KIF26B: variants seen among roughly 807,000 people sequenced by gnomAD.
KIF26B encodes the protein kinesin-like protein KIF26B.
In KIF26B, 63 loss-of-function variants were observed where a neutral mutation model predicts 151.2. That is an observed-to-expected ratio of 0.42 (90% CI 0.34 to 0.51). KIF26B has a LOEUF of 0.51. KIF26B is among the 20% of genes least tolerant of loss of function. The probability of loss-of-function intolerance (pLI) is 0.07; values close to 1 mark genes in which losing one functional copy is unlikely to be tolerated. For missense variants in KIF26B, 2,813 were observed against 2,913.6 expected, an observed-to-expected ratio of 0.97 and a Z score of 0.79; for synonymous variants, 1,357 against 1,262.1, an observed-to-expected ratio of 1.08 and a Z score of -1.59.
At chr1:245,479,012 G>T (rs975381009) in intron 4 of KIF26B, among the ~76,000 whole-genome samples, 1 of 151,838 alleles carries the variant, frequency 6.6e-6, no homozygotes, top group Non-Finnish European at 1.5e-5. Flanking sequence ...ATGGGGAGGG[G>T]TCCTGAGGGA....
chr1:245,690,539 A>C (rs1181903865), intron 12 of KIF26B, among the ~76,000 whole-genome samples: 1 of 152,236 alleles, frequency 6.6e-6, no homozygotes, highest in Non-Finnish European at 1.5e-5. Context: ...TGGTCAGTGA[A>C]CATTATAAAC....
chr1:245,654,318 AG>A (rs148057078), intron 10 of KIF26B, among the ~76,000 whole-genome samples: 7 of 151,930 alleles, frequency 4.6e-5, no homozygotes, highest in Non-Finnish European at 1.0e-4. Context: ...AGGGGTGGGG[AG>A]GGGGCAAAAA....
intron 5 of KIF26B, among the ~76,000 whole-genome samples, chr1:245,555,851 G>A (rs1417254362): frequency 6.6e-6 from 1 of 152,144 alleles, no homozygotes; most frequent in Non-Finnish European, 1.5e-5. Flanking sequence ...ACTTGGGGGG[G>A]TTCATTTTGT....
rs554153547 is a variant in KIF26B at position 245,429,387 on chromosome 1, T to C, written c.1166+9642T>C. Among the ~76,000 whole-genome samples, 4 of 152,318 alleles carry C rather than the reference T, an allele frequency of 2.6e-5. No homozygotes were observed. The South Asian group carries it at 6.2e-4, about 24-fold the overall frequency. On this transcript the variant is annotated intron_variant, in intron 4 of 14. Coordinates refer to ENST00000407071, the MANE Select transcript of KIF26B (RefSeq NM_018012.4). The stretch of plus-strand genomic sequence containing the variant: ...CTGTCCAGGCCTTCTGTGGCAATTA[T>C]AAAGATCTGGTATCATGTCTCTGAG...
At chr1:245,533,269 A>G (rs1445674076) in intron 4 of KIF26B, among the ~76,000 whole-genome samples, 4 of 152,182 alleles carry the variant, frequency 2.6e-5, no homozygotes, top group African/African-American at 9.7e-5. Context: ...ACATGCTGAC[A>G]GGGGAGACTG....
intron 4 of KIF26B, among the ~76,000 whole-genome samples, chr1:245,521,531 G>C (rs1661110407): frequency 6.6e-6 from 1 of 152,096 alleles, no homozygotes; most frequent in Admixed American, 6.5e-5. Flanking sequence ...CGCAATCCTT[G>C]AGTATAAGTC....
chr1:245,481,912 C>T (rs1471271717), intron 4 of KIF26B, among the ~76,000 whole-genome samples: 1 of 151,552 alleles, frequency 6.6e-6, no homozygotes, highest in Non-Finnish European at 1.5e-5. Flanking sequence ...AGCACAGCAG[C>T]GTCTAACCGA....
intron 4 of KIF26B, among the ~76,000 whole-genome samples, chr1:245,491,673 C>T (rs779475927): frequency 2.0e-5 from 3 of 152,156 alleles, no homozygotes; most frequent in Non-Finnish European, 4.4e-5. Context: ...TTCGGGAGGC[C>T]GAGGTGGGTG....
chr1:245,394,847 C>T (rs4658763), intron 3 of KIF26B, among the ~76,000 whole-genome samples: 35,639 of 151,618 alleles, frequency 0.24, 6,506 homozygotes, highest in African/African-American at 0.51. Context: ...CTCGCCACCA[C>T]GCCTGGCTAA....
rs954052934 is a variant in KIF26B at position 245,503,148 on chromosome 1, C to T, written c.1167-37619C>T. On this transcript the variant is annotated intron_variant, in intron 4 of 14. Transcript: ENST00000407071. ...GTGCTGGGATTACAGCGTGAGCCACCGCACCCGGCCATGGTGAACTCTTTT... is the reference window on the plus strand; with the variant it reads ...GTGCTGGGATTACAGCGTGAGCCACTGCACCCGGCCATGGTGAACTCTTTT... Among the ~76,000 whole-genome samples, 9 of 152,054 alleles carry T rather than the reference C, an allele frequency of 5.9e-5. 1 individual carries two copies. In the South Asian group the frequency reaches 6.2e-4, roughly 11 times the overall value.
At chr1:245,552,122 G>GATGTGTGTGT (rs1553287299) in intron 5 of KIF26B, among the ~76,000 whole-genome samples, 2,847 of 131,680 alleles carry the variant, frequency 0.022, 157 homozygotes, top group East Asian at 0.031. Flanking sequence ...GAACCAGCAG[G>GATGTGTGTGT]GTGTGTGTGT....
intron 5 of KIF26B, among the ~76,000 whole-genome samples, chr1:245,548,442 C>T (rs1160067127): frequency 6.6e-6 from 1 of 152,192 alleles, no homozygotes; most frequent in East Asian, 1.9e-4. Flanking sequence ...CCTGCTCTTC[C>T]CAGGGTGCGA....
chr1:245,426,672 G>A (rs193172025), intron 4 of KIF26B, among the ~76,000 whole-genome samples: 9 of 152,302 alleles, frequency 5.9e-5, no homozygotes, highest in Non-Finnish European at 1.0e-4. Context: ...ACCAAGCCCC[G>A]CTCAGGCCCT....
intron 2 of KIF26B, among the ~76,000 whole-genome samples, chr1:245,223,737 A>G (rs1669819837): frequency 6.6e-6 from 1 of 152,214 alleles, no homozygotes; most frequent in African/African-American, 2.4e-5. Flanking sequence ...AGGGGGTCCC[A>G]TATGTCACAG....
intron 3 of KIF26B, among the ~76,000 whole-genome samples, chr1:245,382,562 CTTGTT>C (rs1335478189): frequency 6.2e-5 from 7 of 113,792 alleles, no homozygotes; most frequent in East Asian, 4.2e-4. Flanking sequence ...TGTTTTGTTT[CTTGTT>C]TTGTTTTGTT....
chr1:245,643,566 C>A (rs1329031232), intron 9 of KIF26B, among the ~76,000 whole-genome samples: 1 of 152,104 alleles, frequency 6.6e-6, no homozygotes, highest in Non-Finnish European at 1.5e-5. Context: ...TCACACGTTA[C>A]ATTATGATTT....
At chr1:245,310,505 A>G (rs542482083) in intron 2 of KIF26B, among the ~76,000 whole-genome samples, 1 of 152,340 alleles carries the variant, frequency 6.6e-6, no homozygotes, top group East Asian at 1.9e-4. Context: ...AGCTTAGGAA[A>G]CTCGTTCAAG....
At chr1:245,304,755 C>T (rs1352623091) in intron 2 of KIF26B, among the ~76,000 whole-genome samples, 1 of 150,838 alleles carries the variant, frequency 6.6e-6, no homozygotes, top group Non-Finnish European at 1.5e-5. Context: ...CTACCTCAGC[C>T]TCCCGGATGT....
intron 4 of KIF26B, among the ~76,000 whole-genome samples, chr1:245,438,771 G>A (rs1398297247): frequency 6.6e-6 from 1 of 152,164 alleles, no homozygotes; most frequent in South Asian, 2.1e-4. Context: ...GATGGTAAGC[G>A]ACGGAAACCA....
Sources: gnomAD v4.1 joint callset for allele counts (sites outside exome capture counted in the v4.1 genomes callset) on GRCh38, gnomAD v4.1.1 for gene constraint, MANE v1.5 for transcripts, NCBI Gene and HGNC (gene_info 2026-07-23, HGNC 2026-07-21) for gene names.